LDLRAD4: variants seen among roughly 807,000 people sequenced by gnomAD.
LDLRAD4 encodes low density lipoprotein receptor class A domain containing 4.
LDLRAD4 carries 5 observed loss-of-function variants against 17.0 expected under a neutral mutation model. The ratio of observed to expected loss-of-function variants is 0.29; its 90% CI spans 0.15 to 0.62. The LOEUF (loss-of-function observed/expected upper bound fraction) is 0.62, where lower values mean the gene tolerates loss of function less well. LDLRAD4 is among the 20% of genes least tolerant of loss of function. LDLRAD4 has a pLI of 0.84. For missense variants in LDLRAD4, 340 were observed against 424.7 expected, an observed-to-expected ratio of 0.80 and a Z score of 1.75; for synonymous variants, 168 against 171.8, an observed-to-expected ratio of 0.98 and a Z score of 0.17.
At chr18:13,496,662 T>G (rs765884242) in intron 3 of LDLRAD4, among the ~76,000 whole-genome samples, 9 of 152,176 alleles carry the variant, frequency 5.9e-5, no homozygotes, top group Non-Finnish European at 1.0e-4. Flanking sequence ...ACCACAGAAA[T>G]CTGACTCTTG....
chr18:13,413,736 G>A (rs1038424192), intron 2 of LDLRAD4, among the ~76,000 whole-genome samples: 4 of 152,142 alleles, frequency 2.6e-5, no homozygotes, highest in African/African-American at 9.7e-5. Context: ...TCTTTAGTAA[G>A]TTTTTCCAAG....
chr18:13,515,267 G>A (rs546204528), intron 3 of LDLRAD4: 1 of 152,328 alleles, frequency 6.6e-6, no homozygotes, highest in African/African-American at 2.4e-5. Context: ...AAAATCCTTG[G>A]TGAGCTGCCT....
intron 1 of LDLRAD4, among the ~76,000 whole-genome samples, chr18:13,285,562 C>T (rs1201394879): frequency 1.3e-5 from 2 of 152,124 alleles, no homozygotes; most frequent in South Asian, 2.1e-4. Context: ...GGCTTCGTGG[C>T]GATGCTGGGT....
intron 2 of LDLRAD4, among the ~76,000 whole-genome samples, chr18:13,417,472 A>G (rs2089011753): frequency 6.8e-6 from 1 of 147,560 alleles, no homozygotes; most frequent in Admixed American, 6.9e-5. Flanking sequence ...TCACTCTGTC[A>G]CCCAGGCTGG....
intron 3 of LDLRAD4, among the ~76,000 whole-genome samples, chr18:13,552,654 T>G (rs1361303247): frequency 6.6e-6 from 1 of 152,212 alleles, no homozygotes; most frequent in East Asian, 1.9e-4. Flanking sequence ...AGGTAGTTCC[T>G]AGAGGACTGT....
chr18:13,266,934 C>T (rs1022960088), intron 1 of LDLRAD4, among the ~76,000 whole-genome samples: 5 of 152,154 alleles, frequency 3.3e-5, no homozygotes, highest in African/African-American at 7.2e-5. Flanking sequence ...TCTTTTACGT[C>T]GACTGAAGGC....
chr18:13,431,550 C>G (rs1390542660), intron 2 of LDLRAD4, among the ~76,000 whole-genome samples: 1 of 152,182 alleles, frequency 6.6e-6, no homozygotes, highest in Non-Finnish European at 1.5e-5. Flanking sequence ...AGTCCGAAGC[C>G]TGAGAGTACT....
rs80088029 is a variant in LDLRAD4, at chr18:13,465,291, T to G, written c.181+26907T>G. Among the ~76,000 whole-genome samples, 1,156 of 152,366 alleles carry G rather than the reference T, an allele frequency of 7.6e-3. 18 individuals are homozygous for G. Among genetic ancestry groups the G allele is most frequent in the African/African-American group, 0.026 (1,091 of 41,580 alleles). ...GCACGCCCTCTCTTTATTCTCAGGC[T>G]GCGTGTTTCATTGATTCTGAAGGTC... On this transcript the variant is annotated intron_variant, in intron 3 of 5. Coordinates refer to ENST00000359446, the Ensembl canonical transcript of LDLRAD4.
chr18:13,638,741 C>T (rs1320869578), intron 4 of LDLRAD4, among the ~76,000 whole-genome samples: 3 of 152,174 alleles, frequency 2.0e-5, no homozygotes, highest in East Asian at 3.8e-4. Context: ...GAGTAATGTC[C>T]CTCTAACCCA....
intron 1 of LDLRAD4, among the ~76,000 whole-genome samples, chr18:13,351,977 A>C (rs1224842617): frequency 6.6e-6 from 1 of 152,196 alleles, no homozygotes; most frequent in Non-Finnish European, 1.5e-5. Context: ...ATCAGTAAAC[A>C]TAATCCATCA....
At chr18:13,247,977 T>TTC (rs1555627116) in intron 1 of LDLRAD4, among the ~76,000 whole-genome samples, 3 of 149,808 alleles carry the variant, frequency 2.0e-5, no homozygotes, top group Non-Finnish European at 4.4e-5. Context: ...TTTTTTTTTT[T>TTC]AAAGACAGAG....
intron 1 of LDLRAD4, among the ~76,000 whole-genome samples, chr18:13,332,055 G>A (rs1599470872): frequency 6.6e-6 from 1 of 152,124 alleles, no homozygotes; most frequent in Admixed American, 6.5e-5. Flanking sequence ...CTGTCTTAGC[G>A]CTCTTTGCAG....
chr18:13,583,100 C>A (rs1249954602), intron 3 of LDLRAD4, among the ~76,000 whole-genome samples: 1 of 152,094 alleles, frequency 6.6e-6, no homozygotes, highest in African/African-American at 2.4e-5. Context: ...TTATTTCACC[C>A]GCACCATAAG....
intron 3 of LDLRAD4, among the ~76,000 whole-genome samples, chr18:13,516,609 G>A (rs1051883640): frequency 1.3e-5 from 2 of 152,230 alleles, no homozygotes; most frequent in African/African-American, 4.8e-5. Flanking sequence ...GGCACTTCAA[G>A]TGGACACTAT....
At chr18:13,333,997 T>C (rs1183822695) in intron 1 of LDLRAD4, among the ~76,000 whole-genome samples, 1 of 152,224 alleles carries the variant, frequency 6.6e-6, no homozygotes, top group Non-Finnish European at 1.5e-5. Flanking sequence ...TGGGAAGAAC[T>C]GACATGTTGA....
chr18:13,224,295 C>G (rs1054637626), intron 1 of LDLRAD4, among the ~76,000 whole-genome samples: 9 of 152,130 alleles, frequency 5.9e-5, no homozygotes, highest in Non-Finnish European at 1.0e-4. Flanking sequence ...CCACTTCCAT[C>G]AGCCTCCCCA....
chr18:13,380,531 C>T lies in LDLRAD4; in HGVS notation c.-382-6810C>T, dbSNP rs180773829. 1.7e-4 allele frequency among the ~76,000 whole-genome samples: 26 copies of T among 152,294 alleles called. 1 individual carries two copies. The highest frequency in any genetic ancestry group is 6.8e-3 in the Middle Eastern group (2 of 294). On this transcript the variant is annotated intron_variant, in intron 1 of 5. Coordinates refer to ENST00000359446, the Ensembl canonical transcript of LDLRAD4. ...CAGGGGTCGGATATATGACTCCTTG[C>T]GGCTTCCTCTGCTGCTAGATCATAT...
At chr18:13,489,537 A>G (rs72880623) in intron 3 of LDLRAD4, 30,989 of 152,208 alleles carry the variant, frequency 0.2, 3,538 homozygotes, top group Middle Eastern at 0.28. Context: ...GTCAGTGAGC[A>G]GATAATGAGG....
At chr18:13,514,914 C>G (rs991844435) in intron 3 of LDLRAD4, 1 of 152,238 alleles carries the variant, frequency 6.6e-6, no homozygotes, top group African/African-American at 2.4e-5. Context: ...GAGGCTCTTT[C>G]AAGCCCTGGA....
Sources: allele counts gnomAD v4.1 joint callset (sites outside exome capture counted in the v4.1 genomes callset), GRCh38; gene constraint gnomAD v4.1.1; transcripts MANE v1.5; gene names NCBI Gene and HGNC (gene_info 2026-07-23, HGNC 2026-07-21).